PTP4A3: variants seen among roughly 807,000 people sequenced by gnomAD.
PTP4A3 encodes protein tyrosine phosphatase type IVA 3.
Under a neutral mutation model 15.2 loss-of-function variants are expected in PTP4A3, and 9 were observed. The ratio of observed to expected loss-of-function variants is 0.59; its 90% CI spans 0.36 to 1.03. The LOEUF (loss-of-function observed/expected upper bound fraction) is 1.03. Among genes scored for constraint, PTP4A3 ranks in the 50% least tolerant of loss-of-function variants. The pLI is 0.02. For synonymous variants in PTP4A3, 95 were observed against 102.0 expected, an observed-to-expected ratio of 0.93 and a Z score of 0.41; for missense variants, 234 against 252.1, an observed-to-expected ratio of 0.93 and a Z score of 0.49.
chr8:141,414,387 C>T (rs1832959038), intron 1 of PTP4A3, among the ~76,000 whole-genome samples: 1 of 137,864 alleles, frequency 7.3e-6, no homozygotes, highest in Non-Finnish European at 1.6e-5. Context: ...GACCTGGCTT[C>T]TGGGACTGTA....
intron 4 of PTP4A3, 63 bp from the exon 5 acceptor site, chr8:141,427,687 G>A (rs1161507382): frequency 1.4e-6 from 2 of 1,409,188 alleles, no homozygotes; most frequent in Non-Finnish European, 1.9e-6. Flanking sequence ...TTCAGCAGGT[G>A]CCCTGCCAAG....
intron 1 of PTP4A3, among the ~76,000 whole-genome samples, chr8:141,407,978 G>T: frequency 7.5e-6 from 1 of 132,952 alleles, no homozygotes; most frequent in East Asian, 2.8e-4. Context: ...TTCTTCCAGC[G>T]TGGCCCAGGG....
chr8:141,401,213 G>A (rs1447214690), intron 1 of PTP4A3, among the ~76,000 whole-genome samples: 2 of 152,194 alleles, frequency 1.3e-5, no homozygotes, highest in Non-Finnish European at 2.9e-5. Flanking sequence ...ACTCTGCTAG[G>A]TAGCACAGTT....
chr8:141,406,329 G>C lies in PTP4A3; in HGVS notation c.-854+14245G>C, dbSNP rs1237063610. On this transcript the variant is annotated intron_variant, in intron 1 of 5. Transcript: ENST00000521578. This position sits in a 1 kb window ranked among gnomAD's most constrained non-coding sequence, Gnocchi z 4.5. ...TGATTCTGTGATGTGCCTGGACTGG[G>C]GATTGTGGAGGCCTGTCCGTGCCCT... is the stretch of plus-strand genomic sequence containing the variant. 2.0e-5 allele frequency among the ~76,000 whole-genome samples: 3 copies of C among 152,120 alleles called. No individual in the cohort carries two copies. The East Asian group carries it at 5.8e-4, about 29-fold the overall frequency.
chr8:141,425,903 C>T lies in PTP4A3; in HGVS notation c.198+763C>T, dbSNP rs1045228013. Among the ~76,000 whole-genome samples the T allele has an allele frequency of 1.3e-5, 2 of 152,208 alleles. No homozygotes were observed. Among genetic ancestry groups the T allele is most frequent in the Non-Finnish European group, 2.9e-5 (2 of 68,022 alleles). ...GGGCTGCGTCCCGCCTCTGCCCTCC[C>T]CAGCCTTGCGACCCTGCAGGTCACT... On this transcript the variant is annotated intron_variant, in intron 3 of 5. Transcript: ENST00000521578. This position sits in a 1 kb window ranked among gnomAD's most constrained non-coding sequence, Gnocchi z 4.2.
chr8:141,430,018 GT>G (rs1833774956), intron 5 of PTP4A3, among the ~76,000 whole-genome samples: 1 of 90,556 alleles, frequency 1.1e-5, no homozygotes, highest in African/African-American at 4.9e-5. Context: ...TGAGCGCACA[GT>G]CTGGGTCCCC....
chr8:141,400,026 G>A (rs569144008), intron 1 of PTP4A3, among the ~76,000 whole-genome samples: 14 of 152,364 alleles, frequency 9.2e-5, no homozygotes, highest in African/African-American at 3.4e-4. Flanking sequence ...TCCTGACTCA[G>A]CCTCCTGAGT....
chr8:141,415,471 C>A (rs899191706), intron 1 of PTP4A3, among the ~76,000 whole-genome samples: 2 of 150,266 alleles, frequency 1.3e-5, no homozygotes, highest in African/African-American at 4.9e-5. Flanking sequence ...CTGGCCGGGA[C>A]CAGGGTGCCC....
At chr8:141,399,875 G>T (rs544467562) in intron 1 of PTP4A3, among the ~76,000 whole-genome samples, 1 of 152,228 alleles carries the variant, frequency 6.6e-6, no homozygotes, top group Non-Finnish European at 1.5e-5. Context: ...TGGGGGAGAG[G>T]CGACATTTGA....
At chr8:141,426,480 C>T (rs963305926) in intron 3 of PTP4A3, 9 of 985,360 alleles carry the variant, frequency 9.1e-6, no homozygotes, top group Admixed American at 6.1e-5. Context: ...TTCCTGGCAC[C>T]TGGGCTGTGT....
Position 141,431,425 on chromosome 8 carries a change from A to C in PTP4A3, c.*381A>C. On this transcript the variant is annotated 3_prime_UTR_variant, in exon 6 of 6. Transcript: ENST00000521578. ...CTGGGCCCCCAGCCCCTCTTTTGCG[A>C]CCCCTTGTCCTGACCTGTTCTCGGC... 2.5e-5 allele frequency: 6 copies of C among 244,170 alleles called. No individual in the cohort carries two copies. Among genetic ancestry groups the C allele is most frequent in the South Asian group, 6.6e-5 (1 of 15,214 alleles). The allele number at this position is 244,170 out of a possible 1,614,324, so 15.1% of individuals were successfully genotyped here.
chr8:141,394,778 G>A (rs1330980774), intron 1 of PTP4A3, among the ~76,000 whole-genome samples: 1 of 152,256 alleles, frequency 6.6e-6, no homozygotes, highest in African/African-American at 2.4e-5. Context: ...TCCGAGGGCC[G>A]ATGAGCCCCG....
chr8:141,407,372 C>T (rs1317533061), intron 1 of PTP4A3, among the ~76,000 whole-genome samples: 1 of 152,214 alleles, frequency 6.6e-6, no homozygotes. Context: ...AGGTGTAGCC[C>T]TCTTCCCAAC....
In PTP4A3 at chr8:141,431,291, T is replaced by C; in HGVS notation, c.*247T>C. The C allele has an allele frequency of 1.8e-6, 1 of 555,554 alleles. No homozygotes were observed. Among genetic ancestry groups the C allele is most frequent in the Non-Finnish European group, 3.2e-6 (1 of 312,798 alleles). 34.4% of individuals were successfully genotyped at this position (555,554 alleles called of 1,614,324 possible). Reference sequence around the variant, plus strand: ...TCCCTCTGGCGGCGCTGGCCGTGGCTCTGTCTCTCTGAGGTGGGTCGGGCG... The same window carrying C: ...TCCCTCTGGCGGCGCTGGCCGTGGCCCTGTCTCTCTGAGGTGGGTCGGGCG... On this transcript the variant is annotated 3_prime_UTR_variant, in exon 6 of 6. Transcript: ENST00000521578.
intron 1 of PTP4A3, among the ~76,000 whole-genome samples, chr8:141,402,984 C>G (rs1249816882): frequency 2.0e-5 from 3 of 152,170 alleles, no homozygotes; most frequent in Admixed American, 6.5e-5. Context: ...AGGAGGGTCC[C>G]TGGCTGGTCC....
chr8:141,424,969 G>A, intron 2 of PTP4A3, 79 bp from the exon 3 acceptor site: 1 of 1,206,586 alleles, frequency 8.3e-7, no homozygotes, highest in Non-Finnish European at 1.2e-6. Context: ...TGTGCCCTGG[G>A]AGCCCTGGTG....
At chr8:141,405,703 G>C (rs554242535) in intron 1 of PTP4A3, among the ~76,000 whole-genome samples, 1 of 152,148 alleles carries the variant, frequency 6.6e-6, no homozygotes, top group African/African-American at 2.4e-5. Flanking sequence ...GGGGAGAGAG[G>C]CTGACAAGCT....
rs1377366448 is a variant in PTP4A3 at position 141,426,977 on chromosome 8, G to C, written c.237G>C (p.Lys79Asn). ...PFDDGAPPPG[K>N]VVEDWLSLVK... ...ACGATGGGGCGCCCCCGCCCGGCAA[G>C]GTAGTGGAAGACTGGCTGAGCCTGG... is the stretch of plus-strand genomic sequence containing the variant. The change falls in exon 4 of 6, where the codon AAG becomes AAC. Residue 79 changes from lysine (K) to asparagine (N), a missense_variant. Transcript: ENST00000521578. 7.5e-6 allele frequency: 12 copies of C among 1,609,492 alleles called. No individual in the cohort carries two copies. The highest frequency in any genetic ancestry group is 1.0e-5 in the Non-Finnish European group (12 of 1,179,856).
chr8:141,409,495 A>G (rs1204180408), intron 1 of PTP4A3, among the ~76,000 whole-genome samples: 1 of 152,156 alleles, frequency 6.6e-6, no homozygotes, highest in African/African-American at 2.4e-5. Flanking sequence ...TCTGGGCACC[A>G]CGGCGATGCC....
Sources: gnomAD v4.1 joint callset for allele counts (sites outside exome capture counted in the v4.1 genomes callset) on GRCh38, gnomAD v4.1.1 for gene constraint, Gnocchi (gnomAD v3.1) non-coding constraint, MANE v1.5 for transcripts, NCBI Gene and HGNC (gene_info 2026-07-23, HGNC 2026-07-21) for gene names.